Variants in WDR1 observed in about 807,000 individuals in gnomAD.
WDR1 encodes WD repeat domain 1, also known as WD repeat-containing protein 1.
A neutral mutation model predicts 71.9 loss-of-function variants in WDR1; 21 were observed. The ratio of observed to expected loss-of-function variants is 0.29; its 90% CI spans 0.21 to 0.42. WDR1 has a LOEUF of 0.42. Among genes scored for constraint, WDR1 ranks in the 10% least tolerant of loss-of-function variants. WDR1 has a pLI of 1.00. For synonymous variants in WDR1, 424 were observed against 347.4 expected, an observed-to-expected ratio of 1.22 and a Z score of -2.45; for missense variants, 696 against 824.5, an observed-to-expected ratio of 0.84 and a Z score of 1.91.
intron 11 of WDR1, 67 bp downstream of exon 11, chr4:10,081,290 G>C: frequency 6.6e-7 from 1 of 1,516,212 alleles, no homozygotes; most frequent in Non-Finnish European, 9.2e-7. Context: ...CGGGACATGA[G>C]TCAAATTCAG....
chr4:10,075,585 A>G (rs1764769579), intron 14 of WDR1, 101 bp from the exon 15 acceptor site: 2 of 1,108,670 alleles, frequency 1.8e-6, no homozygotes, highest in Admixed American at 4.1e-5. Context: ...AATCATCTCC[A>G]GGGCCAAGAA....
chr4:10,114,820 C>G (rs1259231073), intron 2 of WDR1, among the ~76,000 whole-genome samples: 2 of 152,202 alleles, frequency 1.3e-5, no homozygotes, highest in Admixed American at 1.3e-4. Context: ...TCACACCCGC[C>G]CACCCCCTCA....
intron 3 of WDR1, among the ~76,000 whole-genome samples, chr4:10,102,549 C>T (rs73212863): frequency 0.16 from 24,981 of 152,114 alleles, 2,528 homozygotes; most frequent in Middle Eastern, 0.24. Flanking sequence ...TGACAGATAC[C>T]GGCCCCTGCT....
intron 2 of WDR1, among the ~76,000 whole-genome samples, chr4:10,105,529 G>A (rs546250805): frequency 6.6e-6 from 1 of 152,300 alleles, no homozygotes; most frequent in African/African-American, 2.4e-5. Context: ...AGCGCTCAGT[G>A]TCATTAGTCT....
intron 8 of WDR1, 54 bp downstream of exon 8, chr4:10,087,653 T>G (rs1013338365): frequency 2.1e-5 from 32 of 1,493,598 alleles, no homozygotes; most frequent in Non-Finnish European, 2.7e-5. Flanking sequence ...CTGGCCACTC[T>G]GGTCTCTTCC....
At chr4:10,082,914 G>T (rs1765070382) in intron 10 of WDR1, 108 bp downstream of exon 10, 10 of 1,393,356 alleles carry the variant, frequency 7.2e-6, no homozygotes, top group South Asian at 1.4e-5. Flanking sequence ...TGGGAGAGAT[G>T]AAAGGAGCAA....
chr4:10,081,311 C>A (rs1560528943), intron 11 of WDR1, 46 bp downstream of exon 11: 4 of 1,585,754 alleles, frequency 2.5e-6, no homozygotes, highest in Admixed American at 3.3e-5. Flanking sequence ...CAAGCAGGCA[C>A]CACACAGCTG....
In WDR1 at chr4:10,116,641, C is replaced by T; in HGVS notation, c.16+10G>A. On this transcript the variant is annotated intron_variant, in intron 1 of 14. Transcript: ENST00000499869. ...GCGGCCGCTCGGGGGCCCCGCGCCG[C>T]GGCACTTACTGATCTCGTACGGCAT... 2 of 1,291,146 alleles carry T rather than the reference C, an allele frequency of 1.5e-6. No homozygotes were observed. Among genetic ancestry groups the T allele is most frequent in the Non-Finnish European group, 2.0e-6 (2 of 1,013,400 alleles). The allele number at this position is 1,291,146 out of a possible 1,614,324, so 80.0% of individuals were successfully genotyped here.
intron 2 of WDR1, among the ~76,000 whole-genome samples, chr4:10,110,912 C>T (rs1250598466): frequency 6.6e-6 from 1 of 152,214 alleles, no homozygotes; most frequent in African/African-American, 2.4e-5. Context: ...AATTACCCCT[C>T]CCTGAAAATC....
At chr4:10,107,523 C>T (rs1451642241) in intron 2 of WDR1, among the ~76,000 whole-genome samples, 2 of 152,232 alleles carry the variant, frequency 1.3e-5, no homozygotes, top group African/African-American at 4.8e-5. Flanking sequence ...GCCGCCCTGA[C>T]GTTGCCAGCC....
chr4:10,098,070 C>T (rs1357708084), intron 4 of WDR1, among the ~76,000 whole-genome samples, 179 bp from the exon 5 acceptor site: 1 of 152,156 alleles, frequency 6.6e-6, no homozygotes, highest in African/African-American at 2.4e-5. Context: ...CTCCACAAGG[C>T]ATTTGTCCAA....
intron 3 of WDR1, among the ~76,000 whole-genome samples, chr4:10,099,931 G>A (rs1272686584): frequency 1.3e-5 from 2 of 152,176 alleles, no homozygotes; most frequent in Admixed American, 1.3e-4. Flanking sequence ...AGCAACACCG[G>A]GGGCCACGTA....
intron 2 of WDR1, among the ~76,000 whole-genome samples, chr4:10,114,757 G>A (rs984649447): frequency 3.3e-5 from 5 of 152,142 alleles, no homozygotes; most frequent in South Asian, 2.1e-4. Context: ...AAGGCCCTTC[G>A]GCTTTCTAGG....
chr4:10,095,155 C>T (rs1712252032), intron 5 of WDR1, among the ~76,000 whole-genome samples: 2 of 152,194 alleles, frequency 1.3e-5, no homozygotes, highest in African/African-American at 2.4e-5. Flanking sequence ...AGGCGAGGGG[C>T]GGCAGGCAAG....
chr4:10,085,420 G>T (rs1250493962), intron 8 of WDR1, among the ~76,000 whole-genome samples: 1 of 152,216 alleles, frequency 6.6e-6, no homozygotes, highest in South Asian at 2.1e-4. Context: ...TTTCCACAGA[G>T]ACGTGGGGAA....
At chr4:10,089,899 C>G (rs567968186) in intron 5 of WDR1, among the ~76,000 whole-genome samples, 12 of 152,300 alleles carry the variant, frequency 7.9e-5, no homozygotes, top group Non-Finnish European at 1.5e-4. Context: ...AACCCTGGGA[C>G]CCAATGAGAC....
intron 14 of WDR1, chr4:10,076,899 T>TA (rs1467007916): frequency 5.5e-6 from 1 of 182,742 alleles, no homozygotes; most frequent in African/African-American, 2.4e-5. Context: ...AACCTACTGT[T>TA]ACAAATCATT....
chr4:10,095,567 C>A (rs561215760), intron 5 of WDR1, among the ~76,000 whole-genome samples: 1 of 152,196 alleles, frequency 6.6e-6, no homozygotes, highest in Non-Finnish European at 1.5e-5. Flanking sequence ...CCGCAGCTTT[C>A]CTCTGGGGTC....
chr4:10,114,119 TAAC>T (rs1324210806), intron 2 of WDR1, among the ~76,000 whole-genome samples: 1 of 152,092 alleles, frequency 6.6e-6, no homozygotes, highest in Non-Finnish European at 1.5e-5. Context: ...CCCATCCAAC[TAAC>T]AAGAGACTCA....
Sources: gnomAD v4.1 joint callset for allele counts (sites outside exome capture counted in the v4.1 genomes callset) on GRCh38, gnomAD v4.1.1 for gene constraint, MANE v1.5 for transcripts, NCBI Gene and HGNC (gene_info 2026-07-23, HGNC 2026-07-21) for gene names.